The following TFEC variants were observed in gnomAD, a reference collection of about 807,000 sequenced individuals.
The protein encoded by TFEC is transcription factor EC, also known as class E basic helix-loop-helix protein 34.
In TFEC, 31 loss-of-function variants were observed where a neutral mutation model predicts 41.6. That is an observed-to-expected ratio of 0.74 (90% CI 0.56 to 1.01). The LOEUF (loss-of-function observed/expected upper bound fraction) is 1.01. TFEC is among the 50% of genes least tolerant of loss of function. The probability of loss-of-function intolerance (pLI) is 0.00; values close to 1 mark genes in which losing one functional copy is unlikely to be tolerated. For synonymous variants in TFEC, 143 were observed against 140.6 expected (o/e 1.02, Z -0.12); for missense variants, 402 against 404.1 (o/e 0.99, Z 0.04).
intron 3 of TFEC, among the ~76,000 whole-genome samples, chr7:116,083,407 T>C (rs926159316): frequency 2.0e-5 from 3 of 151,948 alleles, no homozygotes; most frequent in African/African-American, 7.2e-5. Flanking sequence ...CTTATTAAAT[T>C]AGAATAATTC....
At chr7:116,060,735 G>A (rs956444292) in intron 3 of TFEC, among the ~76,000 whole-genome samples, 5 of 152,152 alleles carry the variant, frequency 3.3e-5, no homozygotes, top group African/African-American at 1.2e-4. Context: ...AGAAGGAGAG[G>A]AGCAGAAAAG....
intron 3 of TFEC, among the ~76,000 whole-genome samples, chr7:116,041,179 G>C (rs1796029288): frequency 6.6e-6 from 1 of 152,048 alleles, no homozygotes; most frequent in Non-Finnish European, 1.5e-5. Context: ...TGTAAGCTAT[G>C]TGAGTTGCCT....
intron 3 of TFEC, among the ~76,000 whole-genome samples, chr7:115,970,114 G>C (rs1388098699): frequency 6.6e-6 from 1 of 151,838 alleles, no homozygotes; most frequent in Non-Finnish European, 1.5e-5. Flanking sequence ...TGATATATGA[G>C]AAAAGAGGAC....
chr7:115,971,048 T>G (rs1466203158), intron 3 of TFEC, among the ~76,000 whole-genome samples: 1 of 152,076 alleles, frequency 6.6e-6, no homozygotes, highest in Non-Finnish European at 1.5e-5. Flanking sequence ...CTTATTTTAA[T>G]AAACATCTGT....
chr7:116,044,527 G>A (rs1321060747), intron 3 of TFEC, among the ~76,000 whole-genome samples: 2 of 152,182 alleles, frequency 1.3e-5, no homozygotes, highest in Non-Finnish European at 2.9e-5. Context: ...CAGAACAGAA[G>A]TTTATTTTCT....
At chr7:116,079,528 T>C (rs1797040206) in intron 3 of TFEC, among the ~76,000 whole-genome samples, 1 of 151,988 alleles carries the variant, frequency 6.6e-6, no homozygotes, top group Non-Finnish European at 1.5e-5. Context: ...TTCTCCTATA[T>C]ACCAACAGTG....
intron 3 of TFEC, among the ~76,000 whole-genome samples, chr7:116,070,344 A>C (rs929336513): frequency 4.0e-5 from 6 of 151,484 alleles, no homozygotes; most frequent in Non-Finnish European, 8.9e-5. Flanking sequence ...GCAAACAAAT[A>C]GATTTTTGCT....
intron 1 of TFEC, among the ~76,000 whole-genome samples, chr7:116,145,975 A>C (rs953989373): frequency 1.3e-5 from 2 of 152,232 alleles, no homozygotes; most frequent in Non-Finnish European, 2.9e-5. Flanking sequence ...ATTCAAAGTA[A>C]TAGATAAAGG....
intron 1 of TFEC, among the ~76,000 whole-genome samples, chr7:116,145,310 AC>A (rs1798620609): frequency 6.6e-6 from 1 of 151,804 alleles, no homozygotes; most frequent in African/African-American, 2.4e-5. Context: ...TCTCACCCCC[AC>A]CCCTGAGCTA....
chr7:115,969,563 C>T (rs1793035849), intron 3 of TFEC, among the ~76,000 whole-genome samples: 1 of 151,812 alleles, frequency 6.6e-6, no homozygotes, highest in Non-Finnish European at 1.5e-5. Context: ...AGAAAGGATG[C>T]CATTGAATCC....
intron 1 of TFEC, among the ~76,000 whole-genome samples, chr7:116,132,702 T>G (rs1798356368): frequency 1.3e-5 from 2 of 152,354 alleles, no homozygotes; most frequent in South Asian, 4.1e-4. Flanking sequence ...AATAACATTT[T>G]AGCAATAAAA....
chr7:116,075,428 CA>C (rs374744516), intron 3 of TFEC, among the ~76,000 whole-genome samples: 24 of 152,058 alleles, frequency 1.6e-4, no homozygotes, highest in African/African-American at 3.1e-4. Context: ...ACTGAGACAG[CA>C]AAAAAATGTG....
rs1792417071 is a variant in TFEC at position 115,959,487 on chromosome 7, G to C, written c.268-2694C>G. ...TTCCACATATACACTGCTATCTACA[G>C]TAACTAATATTTCCTGAAGAAAATG... On this transcript the variant is annotated intron_variant, in intron 3 of 7. Coordinates refer to ENST00000265440, the MANE Select transcript of TFEC (RefSeq NM_012252.4). 2.6e-5 allele frequency among the ~76,000 whole-genome samples: 4 copies of C among 151,688 alleles called. No homozygotes were observed. In the Admixed American group the frequency reaches 2.6e-4, roughly 10 times the overall value.
chr7:116,149,833 T>C (rs1043714893), intron 1 of TFEC, among the ~76,000 whole-genome samples: 1 of 152,190 alleles, frequency 6.6e-6, no homozygotes, highest in Admixed American at 6.5e-5. Context: ...CAGCCTTTTC[T>C]CCTGAGATCA....
At position 115,965,922 on chromosome 7, in the gene TFEC, T is replaced by C. The variant is rs1300728006; in HGVS notation, c.267+8248A>G. On this transcript the variant is annotated intron_variant, in intron 3 of 7. Transcript: ENST00000265440. ...CAGATATGACTTTTTTTAAGAGCTATTTCTCAGTTTGAAAATTCTTCCCTA... is the reference window on the plus strand; with the variant it reads ...CAGATATGACTTTTTTTAAGAGCTACTTCTCAGTTTGAAAATTCTTCCCTA... Among the ~76,000 whole-genome samples the C allele has an allele frequency of 4.0e-5, 6 of 151,678 alleles. No individual in the cohort carries two copies. In the East Asian group the frequency reaches 1.2e-3, roughly 30 times the overall value.
intron 1 of TFEC, among the ~76,000 whole-genome samples, chr7:116,022,875 A>G (rs1795451246): frequency 6.6e-6 from 1 of 152,188 alleles, no homozygotes; most frequent in African/African-American, 2.4e-5. Flanking sequence ...TTCTCATTTA[A>G]TAACCATGAA....
At chr7:116,122,360 T>C (rs138034775) in intron 1 of TFEC, among the ~76,000 whole-genome samples, 31 of 152,208 alleles carry the variant, frequency 2.0e-4, no homozygotes, top group African/African-American at 7.2e-4. Flanking sequence ...TGGAGCAATG[T>C]TAGCCATGGT....
chr7:115,973,675 TG>T (rs1793238719), intron 3 of TFEC, among the ~76,000 whole-genome samples: 1 of 152,034 alleles, frequency 6.6e-6, no homozygotes, highest in South Asian at 2.1e-4. Flanking sequence ...GGGTGAGGCC[TG>T]TTCTATCTTT....
chr7:116,025,646 C>T (rs544761682), intron 1 of TFEC, among the ~76,000 whole-genome samples: 3 of 152,150 alleles, frequency 2.0e-5, no homozygotes, highest in Non-Finnish European at 4.4e-5. Flanking sequence ...TGGTAGCAAG[C>T]TAAAAATGCT....
Sources: allele counts gnomAD v4.1 joint callset (sites outside exome capture counted in the v4.1 genomes callset), GRCh38; gene constraint gnomAD v4.1.1; transcripts MANE v1.5; gene names NCBI Gene and HGNC (gene_info 2026-07-23, HGNC 2026-07-21).